DCLK2: variants seen among roughly 807,000 people sequenced by gnomAD.
The protein encoded by DCLK2 is serine/threonine-protein kinase DCLK2.
A neutral mutation model predicts 78.4 loss-of-function variants in DCLK2; 31 were observed. The ratio of observed to expected loss-of-function variants is 0.40; its 90% CI spans 0.30 to 0.53. The LOEUF (loss-of-function observed/expected upper bound fraction) is 0.53, where lower values mean the gene tolerates loss of function less well. DCLK2 is among the 20% of genes least tolerant of loss of function. The probability of loss-of-function intolerance (pLI) is 0.61; values close to 1 mark genes in which losing one functional copy is unlikely to be tolerated. For synonymous variants in DCLK2, 407 were observed against 374.9 expected (o/e 1.09, Z -0.99); for missense variants, 872 against 973.7 (o/e 0.90, Z 1.39).
At chr4:150,159,323 C>T (rs7340876) in intron 2 of DCLK2, among the ~76,000 whole-genome samples, 15,155 of 152,264 alleles carry the variant, frequency 0.1, 841 homozygotes, top group East Asian at 0.15. Flanking sequence ...CACATACACA[C>T]ACCACTTTAT....
chr4:150,206,187 T>C (rs1739829870), intron 5 of DCLK2, among the ~76,000 whole-genome samples: 1 of 152,206 alleles, frequency 6.6e-6, no homozygotes, highest in South Asian at 2.1e-4. Flanking sequence ...GCCTCACACA[T>C]GCATGCATAC....
intron 2 of DCLK2, among the ~76,000 whole-genome samples, chr4:150,152,547 G>A (rs1361675025): frequency 2.0e-5 from 3 of 152,212 alleles, no homozygotes; most frequent in African/African-American, 7.2e-5. Context: ...CTCCCACAGT[G>A]CTGGGATGAC....
In DCLK2 at chr4:150,174,241, C is replaced by A. The variant is rs182917699; in HGVS notation, c.757-18897C>A. 2.6e-3 allele frequency among the ~76,000 whole-genome samples: 389 copies of A among 152,302 alleles called. 2 individuals are homozygous for A. Among genetic ancestry groups the A allele is most frequent in the South Asian group, 3.7e-3 (18 of 4,820 alleles). On this transcript the variant is annotated intron_variant, in intron 2 of 15. Transcript: ENST00000296550. ...ACGTAGCACTTCCCCTACTGAGTAG[C>A]CATGCGGCATCCTGTTTGTCCAGGA...
Position 150,249,662 on chromosome 4 carries a change from C to G in DCLK2, c.2051C>G (p.Thr684Ser). 1 of 1,613,590 alleles carries G rather than the reference C, an allele frequency of 6.2e-7. No homozygotes were observed. Among genetic ancestry groups the G allele is most frequent in the South Asian group, 1.1e-5 (1 of 91,082 alleles). ...GCGCTCCCCAAACAGAACAGCACTACCACCGGGGTCTCCGTCATCATGGTG... is the reference window on the plus strand; with the variant it reads ...GCGCTCCCCAAACAGAACAGCACTAGCACCGGGGTCTCCGTCATCATGGTG... The part of the protein sequence containing the change: ...NNALPKQNST[T>S]TGVSVIMNTA... Residue 684 changes from threonine to serine, a missense_variant, in exon 15 of 16, where the codon ACC becomes AGC. Transcript: ENST00000296550.
chr4:150,092,508 G>A (rs958547447), intron 1 of DCLK2, among the ~76,000 whole-genome samples: 1 of 152,118 alleles, frequency 6.6e-6, no homozygotes, highest in African/African-American at 2.4e-5. Flanking sequence ...GGAGTGAGGT[G>A]ACATCTATTG....
intron 5 of DCLK2, among the ~76,000 whole-genome samples, chr4:150,206,589 T>TCC (rs1739859434): frequency 1.3e-5 from 2 of 152,212 alleles, no homozygotes; most frequent in Non-Finnish European, 2.9e-5. Context: ...TGATTTTAAA[T>TCC]GACCTCTAAA....
intron 2 of DCLK2, among the ~76,000 whole-genome samples, chr4:150,191,278 G>T (rs1738429928): frequency 6.6e-6 from 1 of 152,028 alleles, no homozygotes; most frequent in African/African-American, 2.4e-5. Flanking sequence ...GCCATAAAAG[G>T]TAGCCACTGA....
rs375169956 is a variant in DCLK2 at position 150,247,527 on chromosome 4, C to G, written c.1779-76C>G. The G allele has an allele frequency of 2.8e-4, 360 of 1,304,878 alleles. 3 individuals carry two copies. In the South Asian group the frequency reaches 4.1e-3, roughly 15 times the overall value. 80.8% of individuals were successfully genotyped at this position (1,304,878 alleles called of 1,614,324 possible). On this transcript the variant is annotated intron_variant, in intron 12 of 15. Coordinates refer to ENST00000296550, the MANE Select transcript of DCLK2 (RefSeq NM_001040260.4). ...GCCAGAGACTGGACTCCTTTCCCCG[C>G]TCTTCCTGTGGACATTTTGTTGAAA...
chr4:150,155,544 T>G (rs1735210524), intron 2 of DCLK2, among the ~76,000 whole-genome samples: 1 of 152,200 alleles, frequency 6.6e-6, no homozygotes, highest in Non-Finnish European at 1.5e-5. Context: ...TCTGAAAATG[T>G]GTCTGGCAGT....
chr4:150,252,500 AGGCCTGTGCCCGGCCTCTTTATGGCT>A (rs1344460623), intron 15 of DCLK2, among the ~76,000 whole-genome samples: 3 of 152,220 alleles, frequency 2.0e-5, no homozygotes, highest in African/African-American at 7.2e-5. Flanking sequence ...CAGTGGCCAT[AGGCCTGTGCCCGGCCTCTTTATGGCT>A]GGCTCTCAGC....
intron 2 of DCLK2, among the ~76,000 whole-genome samples, chr4:150,103,399 C>A (rs761265021): frequency 1.3e-5 from 2 of 152,086 alleles, no homozygotes; most frequent in Non-Finnish European, 2.9e-5. Context: ...AACAATGTAT[C>A]AGGGAACCTA....
chr4:150,197,828 T>C (rs72969281), intron 3 of DCLK2, among the ~76,000 whole-genome samples, 174 bp from the exon 4 acceptor site: 2 of 151,862 alleles, frequency 1.3e-5, no homozygotes, highest in Non-Finnish European at 1.5e-5. Context: ...ATGTGTAGCC[T>C]GACTGAAGGT....
intron 2 of DCLK2, among the ~76,000 whole-genome samples, chr4:150,117,599 T>A (rs1420472169): frequency 6.6e-6 from 1 of 152,162 alleles, no homozygotes; most frequent in Non-Finnish European, 1.5e-5. Context: ...TTCTGCAAGG[T>A]CCCCTGTGAG....
chr4:150,143,477 C>A (rs1734244658), intron 2 of DCLK2, among the ~76,000 whole-genome samples: 2 of 152,140 alleles, frequency 1.3e-5, no homozygotes. Flanking sequence ...GACCCAGTCT[C>A]TACTTTAATA....
chr4:150,175,011 A>AAATATAT (rs1454035697), intron 2 of DCLK2, among the ~76,000 whole-genome samples: 408 of 9,972 alleles, frequency 0.041, 136 homozygotes, highest in African/African-American at 0.092. Flanking sequence ...AAAAAAAAAA[A>AAATATAT]ATATATATAT....
At chr4:150,108,416 C>T (rs1047026141) in intron 2 of DCLK2, among the ~76,000 whole-genome samples, 6 of 151,016 alleles carry the variant, frequency 4.0e-5, no homozygotes, top group Non-Finnish European at 7.4e-5. Context: ...TGGTGGTGGG[C>T]GCCTGTAGTC....
chr4:150,229,454 G>T (rs1184821131), intron 8 of DCLK2, among the ~76,000 whole-genome samples: 1 of 152,182 alleles, frequency 6.6e-6, no homozygotes, highest in Non-Finnish European at 1.5e-5. Flanking sequence ...GGCAGACATT[G>T]GTGATTGTGG....
At chr4:150,248,925 T>C (rs1315020098) in intron 14 of DCLK2, among the ~76,000 whole-genome samples, 2 of 152,080 alleles carry the variant, frequency 1.3e-5, no homozygotes, top group African/African-American at 2.4e-5. Flanking sequence ...AAATGGGGAC[T>C]GTGGGAATTA....
intron 2 of DCLK2, among the ~76,000 whole-genome samples, chr4:150,158,979 C>G (rs1425039234): frequency 6.6e-6 from 1 of 152,042 alleles, no homozygotes; most frequent in East Asian, 1.9e-4. Flanking sequence ...ATTTAGAAAC[C>G]TTAGGGAGTA....
Sources: allele counts gnomAD v4.1 joint callset (sites outside exome capture counted in the v4.1 genomes callset), GRCh38; gene constraint gnomAD v4.1.1; transcripts MANE v1.5; gene names NCBI Gene and HGNC (gene_info 2026-07-23, HGNC 2026-07-21).